Variants in OSBPL10 observed in about 807,000 individuals in gnomAD.
OSBPL10 encodes the protein oxysterol binding protein like 10.
A neutral mutation model predicts 81.7 loss-of-function variants in OSBPL10; 49 were observed. The ratio of observed to expected loss-of-function variants is 0.60; its 90% CI spans 0.48 to 0.76. The LOEUF is 0.76. Ranked by LOEUF, OSBPL10 falls within the 30% of genes least tolerant of loss-of-function variation. The pLI is 0.00. For missense variants in OSBPL10, 923 were observed against 987.8 expected (o/e 0.93, Z 0.88); for synonymous variants, 419 against 383.6 (o/e 1.09, Z -1.08).
Position 31,830,293 on chromosome 3 carries a change from G to T in OSBPL10, c.538-62C>A, listed in dbSNP as rs574948925. On this transcript the variant is annotated intron_variant, in intron 3 of 11. Coordinates refer to ENST00000396556, the MANE Select transcript of OSBPL10 (RefSeq NM_017784.5). ...ACCTGCAGAACACAACTAAGTGTTG[G>T]CTTCTATTCATTTTGGACCTCTTCA... 1.3e-4 allele frequency: 189 copies of T among 1,479,102 alleles called. 1 individual carries two copies. The African/African-American group carries it at 2.4e-3, about 19-fold the overall frequency. The allele number at this position is 1,479,102 out of a possible 1,614,324, so 91.6% of individuals were successfully genotyped here. A position where few individuals can be genotyped will look rare whatever the true frequency, so the allele number is the denominator to read the frequency against.
chr3:31,792,858 CTCTGTGTGTGTG>C (rs756528337), intron 4 of OSBPL10, among the ~76,000 whole-genome samples: 944 of 86,034 alleles, frequency 0.011, 12 homozygotes, highest in African/African-American at 0.037. Context: ...TATCTAGGCA[CTCTGTGTGTGTG>C]TGTGTGTGTG....
intron 2 of OSBPL10, among the ~76,000 whole-genome samples, chr3:31,878,498 A>G (rs1488209258): frequency 2.0e-5 from 3 of 152,086 alleles, no homozygotes; most frequent in Admixed American, 2.0e-4. Context: ...AGGTTTTTGG[A>G]TTGTTTTATA....
At chr3:32,018,314 C>A (rs77509454) in intron 2 of OSBPL10, among the ~76,000 whole-genome samples, 1,701 of 152,158 alleles carry the variant, frequency 0.011, 34 homozygotes, top group African/African-American at 0.039. Flanking sequence ...CAATGATAGA[C>A]GAGATGTGGG....
intron 7 of OSBPL10, among the ~76,000 whole-genome samples, chr3:31,689,894 T>C (rs1413988251): frequency 6.6e-6 from 1 of 152,104 alleles, no homozygotes; most frequent in African/African-American, 2.4e-5. Context: ...ACCCAATGTG[T>C]TACACACACA....
intron 4 of OSBPL10, among the ~76,000 whole-genome samples, chr3:31,788,962 T>C (rs1358838616): frequency 6.9e-6 from 1 of 144,886 alleles, no homozygotes; most frequent in Non-Finnish European, 1.5e-5. Flanking sequence ...TGTTTCTTTC[T>C]TTTTTTTTTT....
At chr3:32,032,254 A>G (rs1699476531) in intron 2 of OSBPL10, among the ~76,000 whole-genome samples, 1 of 152,106 alleles carries the variant, frequency 6.6e-6, no homozygotes, top group Non-Finnish European at 1.5e-5. Context: ...CCCCATCTCT[A>G]CTAAAAATAC....
chr3:31,732,795 G>A (rs1360287264), intron 6 of OSBPL10: 1 of 199,036 alleles, frequency 5.0e-6, no homozygotes, highest in Non-Finnish European at 1.0e-5. Flanking sequence ...CAATGCCCAA[G>A]AGGAGTGTTG....
intron 5 of OSBPL10, among the ~76,000 whole-genome samples, chr3:31,734,914 G>C (rs1697104963): frequency 6.6e-6 from 1 of 152,174 alleles, no homozygotes; most frequent in African/African-American, 2.4e-5. Flanking sequence ...AATACTATCT[G>C]TCAGCCTTTT....
At chr3:31,972,424 A>G (rs753964915) in intron 1 of OSBPL10, among the ~76,000 whole-genome samples, 16 of 152,030 alleles carry the variant, frequency 1.1e-4, no homozygotes, top group Non-Finnish European at 2.2e-4. Context: ...CTCTGCCCAG[A>G]CTCTACTTAA....
intron 6 of OSBPL10, among the ~76,000 whole-genome samples, chr3:31,703,161 T>C (rs1695952812): frequency 6.6e-6 from 1 of 152,192 alleles, no homozygotes; most frequent in Admixed American, 6.5e-5. Context: ...ATTCAATCAC[T>C]CAATTCCAAT....
At chr3:31,808,620 A>G (rs1185516675) in intron 4 of OSBPL10, among the ~76,000 whole-genome samples, 1 of 152,250 alleles carries the variant, frequency 6.6e-6, no homozygotes, top group Non-Finnish European at 1.5e-5. Context: ...AAGCTACTGT[A>G]TTCCAAATTT....
At chr3:32,073,213 C>G (rs1026731801) in intron 1 of OSBPL10, among the ~76,000 whole-genome samples, 4 of 152,180 alleles carry the variant, frequency 2.6e-5, no homozygotes, top group Middle Eastern at 3.2e-3. Flanking sequence ...GACACCAGCC[C>G]TCTAGGCAAC....
intron 5 of OSBPL10, 60 bp from the exon 6 acceptor site, chr3:31,733,471 G>A: frequency 1.2e-6 from 2 of 1,600,382 alleles, no homozygotes; most frequent in Non-Finnish European, 1.7e-6. Flanking sequence ...TATAGCTCAT[G>A]AAATATTTGT....
At chr3:31,840,957 G>A (rs1168779640) in intron 3 of OSBPL10, among the ~76,000 whole-genome samples, 1 of 152,208 alleles carries the variant, frequency 6.6e-6, no homozygotes, top group Non-Finnish European at 1.5e-5. Context: ...AGCCCAGGCT[G>A]GAGTGCAATG....
intron 4 of OSBPL10, among the ~76,000 whole-genome samples, chr3:31,783,461 T>C (rs918328983): frequency 6.6e-6 from 1 of 151,486 alleles, no homozygotes; most frequent in African/African-American, 2.4e-5. Context: ...CTAAAGAACT[T>C]TTCCATGCAA....
chr3:31,883,676 C>T (rs987424620), intron 1 of OSBPL10, among the ~76,000 whole-genome samples: 4 of 152,032 alleles, frequency 2.6e-5, no homozygotes, highest in Admixed American at 6.6e-5. Flanking sequence ...AGATTACAGG[C>T]GCTTGCCACT....
At chr3:31,664,028 CAG>C in intron 11 of OSBPL10, 49 bp downstream of exon 11, 1 of 1,614,126 alleles carries the variant, frequency 6.2e-7, no homozygotes, top group Non-Finnish European at 8.5e-7. Flanking sequence ...TCTACCCTCT[CAG>C]GACAAGTTCT....
At chr3:31,686,265 A>G (rs1209412576) in intron 7 of OSBPL10, among the ~76,000 whole-genome samples, 3 of 152,240 alleles carry the variant, frequency 2.0e-5, no homozygotes, top group Non-Finnish European at 1.5e-5. Flanking sequence ...TGTCACAGCA[A>G]CACTAAAGGG....
chr3:31,662,935 C>T (rs1700101953), intron 11 of OSBPL10: 42 of 985,344 alleles, frequency 4.3e-5, no homozygotes, highest in Non-Finnish European at 4.7e-5. Flanking sequence ...CTCAGTGACC[C>T]ATAAAGGCAA....
Sources: allele counts gnomAD v4.1 joint callset (sites outside exome capture counted in the v4.1 genomes callset), GRCh38; gene constraint gnomAD v4.1.1; transcripts MANE v1.5; gene names NCBI Gene and HGNC (gene_info 2026-07-23, HGNC 2026-07-21).